CTIF: variants seen among roughly 807,000 people sequenced by gnomAD.
CTIF encodes the protein cap binding complex dependent translation initiation factor.
CTIF carries 21 observed loss-of-function variants against 66.0 expected under a neutral mutation model. The observed-to-expected ratio is 0.32, with a 90% CI of 0.23 to 0.46. The LOEUF is 0.46. Ranked by LOEUF, CTIF falls within the 20% of genes least tolerant of loss-of-function variation. The pLI is 1.00. For synonymous variants in CTIF, 345 were observed against 326.4 expected, an observed-to-expected ratio of 1.06 and a Z score of -0.62; for missense variants, 739 against 812.7, an observed-to-expected ratio of 0.91 and a Z score of 1.10.
At chr18:48,850,577 G>A (rs1259221230) in intron 10 of CTIF, among the ~76,000 whole-genome samples, 1 of 152,212 alleles carries the variant, frequency 6.6e-6, no homozygotes, top group Admixed American at 6.5e-5. Flanking sequence ...CTTCCCTTGG[G>A]ATGATACCCA....
chr18:48,758,076 C>T lies in CTIF; in HGVS notation c.742C>T (p.Arg248Trp), dbSNP rs148673663. Residue 248 changes from arginine to tryptophan, a missense_variant, in exon 8 of 12, where the codon CGG becomes TGG. Physicochemically the swap from Arg to Trp is moderately radical, Grantham distance 101. Transcript: ENST00000256413. ...CACTCACCATGGCTACAGCCAGAAC[C>T]GGCGCTGGCACCATGGCAACATGAA... Reference protein sequence around the residue: ...RPTHHGYSQNRRWHHGNMKHP... With the variant: ...RPTHHGYSQNWRWHHGNMKHP... 3.7e-5 allele frequency: 60 copies of T among 1,613,986 alleles called. No homozygotes were observed. Among genetic ancestry groups the T allele is most frequent in the African/African-American group, 1.5e-4 (11 of 74,896 alleles).
At chr18:48,759,741 A>G (rs945532584) in intron 8 of CTIF, among the ~76,000 whole-genome samples, 5 of 152,256 alleles carry the variant, frequency 3.3e-5, no homozygotes, top group African/African-American at 1.2e-4. Flanking sequence ...TTCCTATTCT[A>G]TATGCAGACC....
rs555270891 is a variant in CTIF, at chr18:48,819,522, T to G, written c.1527+2146T>G. ...GCTGTAGCCGAGCGCCGGCCCTGGCTGCTGGGACACTTTTAACACCGCCTG... is the reference window on the plus strand; with the variant it reads ...GCTGTAGCCGAGCGCCGGCCCTGGCGGCTGGGACACTTTTAACACCGCCTG... On this transcript the variant is annotated intron_variant, in intron 10 of 11. Transcript: ENST00000256413. Among the ~76,000 whole-genome samples the G allele has an allele frequency of 5.3e-4, 80 of 152,262 alleles. 1 individual carries two copies. In the East Asian group the frequency reaches 0.014, roughly 28 times the overall value.
At chr18:48,655,528 C>T (rs1194240841) in intron 3 of CTIF, among the ~76,000 whole-genome samples, 3 of 152,112 alleles carry the variant, frequency 2.0e-5, no homozygotes, top group Admixed American at 2.0e-4. Flanking sequence ...GGAAGGACAT[C>T]CTGCACTGAG....
At chr18:48,619,273 A>G (rs866958234) in intron 1 of CTIF, among the ~76,000 whole-genome samples, 2 of 152,238 alleles carry the variant, frequency 1.3e-5, no homozygotes, top group South Asian at 2.1e-4. Flanking sequence ...TAACTCTGAC[A>G]CTGCACAGTG....
At chr18:48,700,207 C>A (rs1228093225) in intron 6 of CTIF, among the ~76,000 whole-genome samples, 1 of 152,230 alleles carries the variant, frequency 6.6e-6, no homozygotes, top group African/African-American at 2.4e-5. Flanking sequence ...GGGAGTTCCC[C>A]TGTACATGCT....
chr18:48,846,548 T>C (rs1054445874), intron 10 of CTIF, among the ~76,000 whole-genome samples: 2 of 149,528 alleles, frequency 1.3e-5, no homozygotes, highest in East Asian at 3.9e-4. Flanking sequence ...GATAGGTGAA[T>C]AGACAGATGA....
Position 48,670,751 on chromosome 18 carries a change from G to A in CTIF, c.507+7G>A, listed in dbSNP as rs2091519897. On this transcript the variant is annotated splice_region_variant and intron_variant, in intron 6 of 11. Coordinates refer to ENST00000256413, the MANE Select transcript of CTIF (RefSeq NM_014772.3). ...GGTCCTTCCAGCCTGGCAGGTAGGT[G>A]CAGGGGCAGGCTCTCTAACAGCCCA... 6.2e-7 allele frequency: 1 copy of A among 1,612,762 alleles called. No individual in the cohort carries two copies. Among genetic ancestry groups the A allele is most frequent in the Non-Finnish European group, 8.5e-7 (1 of 1,178,886 alleles).
At chr18:48,841,827 G>A (rs952323664) in intron 10 of CTIF, among the ~76,000 whole-genome samples, 2 of 152,162 alleles carry the variant, frequency 1.3e-5, no homozygotes, top group Non-Finnish European at 2.9e-5. Flanking sequence ...GGGAGGGCAG[G>A]GTGGCTCTCA....
intron 10 of CTIF, among the ~76,000 whole-genome samples, chr18:48,825,872 G>A (rs1206593161): frequency 2.0e-5 from 3 of 152,202 alleles, no homozygotes; most frequent in African/African-American, 7.2e-5. Flanking sequence ...TCCTGAAAAT[G>A]GGGTTTGCTC....
chr18:48,775,920 G>C (rs770754224), intron 9 of CTIF, among the ~76,000 whole-genome samples: 1 of 152,230 alleles, frequency 6.6e-6, no homozygotes, highest in Non-Finnish European at 1.5e-5. Flanking sequence ...CGTGACCCCA[G>C]GTCACTGTAA....
At chr18:48,763,405 G>A (rs1358713051) in intron 9 of CTIF, among the ~76,000 whole-genome samples, 2 of 152,226 alleles carry the variant, frequency 1.3e-5, no homozygotes, top group African/African-American at 4.8e-5. Context: ...CAATCCTGGG[G>A]AACAGTCAGC....
At chr18:48,597,123 G>A (rs1479919157) in intron 1 of CTIF, among the ~76,000 whole-genome samples, 1 of 152,226 alleles carries the variant, frequency 6.6e-6, no homozygotes, top group East Asian at 1.9e-4. Context: ...ATAGAACAGT[G>A]AACGAAGAAG....
chr18:48,723,987 G>C (rs1450498511), intron 7 of CTIF, among the ~76,000 whole-genome samples: 3 of 152,190 alleles, frequency 2.0e-5, no homozygotes, highest in African/African-American at 7.2e-5. Flanking sequence ...AGTTCCCAGA[G>C]GCGATGCCTG....
chr18:48,663,731 T>C (rs1246520243), intron 3 of CTIF, 21 bp from the exon 4 acceptor site: 5 of 1,612,402 alleles, frequency 3.1e-6, no homozygotes, highest in South Asian at 1.1e-5. Flanking sequence ...ATGTCAGCCC[T>C]TTCACCCCCA....
intron 6 of CTIF, among the ~76,000 whole-genome samples, chr18:48,680,056 G>A (rs2091713720): frequency 6.6e-6 from 1 of 152,220 alleles, no homozygotes; most frequent in South Asian, 2.1e-4. Context: ...GCAAGGAAAT[G>A]CAGGATGGAA....
At chr18:48,812,010 T>C (rs1012825201) in intron 9 of CTIF, among the ~76,000 whole-genome samples, 4 of 152,242 alleles carry the variant, frequency 2.6e-5, no homozygotes, top group African/African-American at 9.6e-5. Flanking sequence ...TCCCCCAGGC[T>C]GGGGTGCAGT....
intron 1 of CTIF, among the ~76,000 whole-genome samples, chr18:48,559,356 AC>A (rs60449140): frequency 1.1e-4 from 17 of 150,224 alleles, no homozygotes; most frequent in Non-Finnish European, 1.6e-4. Context: ...TAGTCCTACC[AC>A]CCCCCCCAAT....
Position 48,839,261 on chromosome 18 carries a change from T to G in CTIF, c.1528-18327T>G, listed in dbSNP as rs115555313. ...AGCACTCCTGACTCACTTTTCTCCC[T>G]GCCTGTGGTGTCCTTCCCTCTCTTC... On this transcript the variant is annotated intron_variant, in intron 10 of 11. Transcript: ENST00000256413. 1.0e-3 allele frequency among the ~76,000 whole-genome samples: 159 copies of G among 152,300 alleles called. 1 individual carries two copies. Among genetic ancestry groups the G allele is most frequent in the African/African-American group, 3.6e-3 (149 of 41,558 alleles).
Sources: allele counts gnomAD v4.1 joint callset (sites outside exome capture counted in the v4.1 genomes callset), GRCh38; gene constraint gnomAD v4.1.1; transcripts MANE v1.5; gene names NCBI Gene and HGNC (gene_info 2026-07-23, HGNC 2026-07-21).